The following AIF1 variants were observed in gnomAD, a reference collection of about 807,000 sequenced individuals.
AIF1 encodes allograft inflammatory factor 1.
In AIF1, 21 loss-of-function variants were observed where a neutral mutation model predicts 20.6. The ratio of observed to expected loss-of-function variants is 1.02; its 90% CI spans 0.72 to 1.47. AIF1 has a LOEUF of 1.47. Ranked by LOEUF, AIF1 falls within the 40% of genes most tolerant of loss-of-function variation. The probability of loss-of-function intolerance (pLI) is 0.00; values close to 1 mark genes in which losing one functional copy is unlikely to be tolerated. For synonymous variants in AIF1, 52 were observed against 65.8 expected (o/e 0.79, Z 1.01); for missense variants, 161 against 170.5 (o/e 0.94, Z 0.31).
Position 31,616,135 on chromosome 6 carries a change from T to C in AIF1, c.186T>C (p.Asn62=). ...ACATGGAGTTTGACCTTAATGGAAATGGCGATATTGGTGAGAAACGGGTGA... is the reference window on the plus strand; with the variant it reads ...ACATGGAGTTTGACCTTAATGGAAACGGCGATATTGGTGAGAAACGGGTGA... ...EKYMEFDLNG[N]GDIDIMSLKR... Residue 62 remains asparagine (N), a synonymous_variant, in exon 4 of 6, where the codon AAT becomes AAC. Coordinates refer to ENST00000376059, the MANE Select transcript of AIF1 (RefSeq NM_001623.5). This position sits in a 1 kb window ranked among gnomAD's most constrained non-coding sequence, Gnocchi z 4.0. The C allele has an allele frequency of 1.2e-6, 2 of 1,606,428 alleles. No homozygotes were observed. Among genetic ancestry groups the C allele is most frequent in the Non-Finnish European group, 1.7e-6 (2 of 1,176,052 alleles).
At position 31,616,695 on chromosome 6, in the gene AIF1, C is replaced by T. The variant is rs1188974571; in HGVS notation, c.360-121C>T. ...GTCCCCAGAAACTCCAACCCCTGCC[C>T]TTCCTCTTCCCCCTTCCACCCTCAC... On this transcript the variant is annotated intron_variant, in intron 5 of 5. Transcript: ENST00000376059. The surrounding 1 kb of genome is among the most constrained non-coding windows in gnomAD (Gnocchi z 4.0). 2.0e-6 allele frequency: 3 copies of T among 1,531,622 alleles called. No homozygotes were observed. Among genetic ancestry groups the T allele is most frequent in the Non-Finnish European group, 2.6e-6 (3 of 1,136,364 alleles). 94.9% of individuals were successfully genotyped at this position (1,531,622 alleles called of 1,614,324 possible).
chr6:31,616,908 G>A lies in AIF1; in HGVS notation c.*8G>A. ...ATCTCTGAGTTGCCCTGATTTGAAGGGAAAAGGGATGATGGGATTGAAGGG... is the reference window on the plus strand; with the variant it reads ...ATCTCTGAGTTGCCCTGATTTGAAGAGAAAAGGGATGATGGGATTGAAGGG... On this transcript the variant is annotated 3_prime_UTR_variant, in exon 6 of 6. Coordinates refer to ENST00000376059, the MANE Select transcript of AIF1 (RefSeq NM_001623.5). The surrounding 1 kb of genome is among the most constrained non-coding windows in gnomAD (Gnocchi z 4.0). The A allele has an allele frequency of 6.2e-7, 1 of 1,614,194 alleles. No individual in the cohort carries two copies. Among genetic ancestry groups the A allele is most frequent in the Non-Finnish European group, 8.5e-7 (1 of 1,180,040 alleles).
Position 31,615,677 on chromosome 6 carries a change from T to C in AIF1, c.95T>C (p.Leu32Pro). ...ERLDEINKQF[L>P]DDPKYSSDED... Reference sequence around the variant, plus strand: ...TTATTTTCCCCTCCATAGCAATTCCTAGACGATCCCAAATATAGCAGTGAT... The same window carrying C: ...TTATTTTCCCCTCCATAGCAATTCCCAGACGATCCCAAATATAGCAGTGAT... Residue 32 changes from leucine to proline, a missense_variant, in exon 3 of 6, where the codon CTA becomes CCA. By Grantham distance (98) the Leu-to-Pro change is moderately conservative. Transcript: ENST00000376059. 1 of 1,613,030 alleles carries C rather than the reference T, an allele frequency of 6.2e-7. No individual in the cohort carries two copies. Among genetic ancestry groups the C allele is most frequent in the Non-Finnish European group, 8.5e-7 (1 of 1,179,840 alleles).
Position 31,615,534 on chromosome 6 carries a change from C to G in AIF1, c.39C>G (p.Phe13Leu). The G allele has an allele frequency of 6.2e-7, 1 of 1,613,326 alleles. No homozygotes were observed. The change falls in exon 2 of 6, where the codon TTC (phenylalanine) becomes TTG (leucine). Residue 13 changes from phenylalanine to leucine, a missense_variant. By Grantham distance (22) the Phe-to-Leu change is conservative (BLOSUM62 0). Coordinates refer to ENST00000376059, the MANE Select transcript of AIF1 (RefSeq NM_001623.5). ...TTCACCCCACAGGAGGAAAAGCTTT[C>G]GGACTGCTGAAGGCCCAGCAGGAAG... ...QTRDLQGGKAFGLLKAQQEER... is the reference protein window; with the variant it reads ...QTRDLQGGKALGLLKAQQEER...
chr6:31,615,948 C>A, intron 3 of AIF1, 156 bp from the exon 4 acceptor site: 1 of 1,481,774 alleles, frequency 6.7e-7, no homozygotes. Flanking sequence ...CCTAGCGGGG[C>A]CCCTCAACTC....
chr6:31,615,922 C>G (rs45552734), intron 3 of AIF1, 182 bp from the exon 4 acceptor site: 17 of 1,478,440 alleles, frequency 1.1e-5, no homozygotes, highest in Non-Finnish European at 1.5e-5. Context: ...TCAGCATCCC[C>G]TCTAGCTCCT....
In AIF1 at chr6:31,615,561, G is replaced by C. The variant is rs770082854; in HGVS notation, c.66G>C (p.Glu22Asp). The change falls in exon 2 of 6, where the codon GAG becomes GAC. Residue 22 changes from glutamate (E) to aspartate (D), a missense_variant. Glu to Asp is a conservative substitution (Grantham distance 45). Transcript: ENST00000376059. ...AFGLLKAQQEERLDEINKQFL... is the reference protein window; with the variant it reads ...AFGLLKAQQEDRLDEINKQFL... ...GACTGCTGAAGGCCCAGCAGGAAGAGAGGCTGGATGAGATCAACAAGGTAG... is the reference window on the plus strand; with the variant it reads ...GACTGCTGAAGGCCCAGCAGGAAGACAGGCTGGATGAGATCAACAAGGTAG... The C allele has an allele frequency of 4.3e-6, 7 of 1,613,784 alleles. No individual in the cohort carries two copies. Among genetic ancestry groups the C allele is most frequent in the East Asian group, 2.2e-5 (1 of 44,878 alleles).
chr6:31,616,845 A>T lies in AIF1; in HGVS notation c.389A>T (p.Glu130Val). ...MILMYEEKAR[E>V]KEKPTGPPAK... Reference sequence around the variant, plus strand: ...CTGATGTATGAGGAAAAAGCGAGAGAAAAGGAAAAGCCAACAGGCCCCCCA... The same window carrying T: ...CTGATGTATGAGGAAAAAGCGAGAGTAAAGGAAAAGCCAACAGGCCCCCCA... Residue 130 changes from glutamate (E) to valine (V), a missense_variant, in exon 6 of 6, where the codon GAA becomes GTA. By Grantham distance (121) the Glu-to-Val change is moderately radical. Transcript: ENST00000376059. The surrounding 1 kb of genome is among the most constrained non-coding windows in gnomAD (Gnocchi z 4.0). The T allele has an allele frequency of 6.2e-7, 1 of 1,614,202 alleles. No individual in the cohort carries two copies. The highest frequency in any genetic ancestry group is 8.5e-7 in the Non-Finnish European group (1 of 1,180,028).
chr6:31,615,429 G>A, intron 1 of AIF1, 75 bp downstream of exon 1: 1 of 1,613,436 alleles, frequency 6.2e-7, no homozygotes, highest in African/African-American at 1.3e-5. Flanking sequence ...GGGCTAGGAG[G>A]GCAGTCAGCT....
chr6:31,616,635 C>T lies in AIF1; in HGVS notation c.359+129C>T, dbSNP rs559501227. 1.5e-4 allele frequency: 226 copies of T among 1,487,796 alleles called. No homozygotes were observed. In the African/African-American group the frequency reaches 2.7e-3, roughly 18 times the overall value. The allele number at this position is 1,487,796 out of a possible 1,614,324, so 92.2% of individuals were successfully genotyped here. A position where few individuals can be genotyped will look rare whatever the true frequency, so the allele number is the denominator to read the frequency against. ...TTCTTCCATCCTTAGAGGGACCCTT[C>T]CAAGGTCCCGACCCCATCCCTATCC... On this transcript the variant is annotated intron_variant, in intron 5 of 5. Transcript: ENST00000376059. The surrounding 1 kb of genome is among the most constrained non-coding windows in gnomAD (Gnocchi z 4.0).
rs1774441963 is a variant in AIF1 at position 31,616,997 on chromosome 6, TA to T, written c.*100del. The T allele has an allele frequency of 6.6e-7, 1 of 1,517,150 alleles. No individual in the cohort carries two copies. The highest frequency in any genetic ancestry group is 9.0e-7 in the Non-Finnish European group (1 of 1,114,560). 94.0% of individuals were successfully genotyped at this position (1,517,150 alleles called of 1,614,324 possible). The stretch of plus-strand genomic sequence containing the variant: ...TGTAAGCCAGAGTCAACAAATTAAA[TA>T]AATTACCCCCTCCTCCAGATCAAGT... On this transcript the variant is annotated 3_prime_UTR_variant, in exon 6 of 6. Transcript: ENST00000376059. This position sits in a 1 kb window ranked among gnomAD's most constrained non-coding sequence, Gnocchi z 4.0.
At chr6:31,615,886 C>T (rs1471425563) in intron 3 of AIF1, 150 bp downstream of exon 3, 30 of 1,485,766 alleles carry the variant, frequency 2.0e-5, no homozygotes, top group Non-Finnish European at 2.1e-5. Flanking sequence ...TGCCACACTG[C>T]GGTCCCTTTC....
chr6:31,615,583 G>A lies in AIF1; in HGVS notation c.87+1G>A, dbSNP rs1003421720. The A allele has an allele frequency of 3.1e-6, 5 of 1,613,618 alleles. No individual in the cohort carries two copies. Among genetic ancestry groups the A allele is most frequent in the Non-Finnish European group, 1.7e-6 (2 of 1,179,946 alleles). On this transcript the variant is annotated splice_donor_variant, in intron 2 of 5. Coordinates refer to ENST00000376059, the MANE Select transcript of AIF1 (RefSeq NM_001623.5). LOFTEE classifies it high-confidence loss of function. ...AGAGAGGCTGGATGAGATCAACAAG[G>A]TAGAAGGAAGAACTAAGGGGGCAGA...
chr6:31,616,900 A>T lies in AIF1; in HGVS notation c.444A>T (p.Ter148CysextTer33), dbSNP rs777100962. Residue 148 changes from the stop codon to cysteine, a stop_lost, in exon 6 of 6, where the codon TGA becomes TGT. Coordinates refer to ENST00000376059, the MANE Select transcript of AIF1 (RefSeq NM_001623.5). This position sits in a 1 kb window ranked among gnomAD's most constrained non-coding sequence, Gnocchi z 4.0. ...PAKKAISELP[*>C] ...AGAAAGCTATCTCTGAGTTGCCCTG[A>T]TTTGAAGGGAAAAGGGATGATGGGA... is the stretch of plus-strand genomic sequence containing the variant. The T allele has an allele frequency of 6.2e-7, 1 of 1,614,226 alleles. No homozygotes were observed. The highest frequency in any genetic ancestry group is 8.5e-7 in the Non-Finnish European group (1 of 1,180,036).
rs769724579 is a variant in AIF1, at chr6:31,616,280, C to T, written c.197-64C>T. ...AGTGGGAGGAAGGAGAATGGGGATG[C>T]GGAAGTGGGAGAGGAGAGAGAGGGT... On this transcript the variant is annotated intron_variant, in intron 4 of 5. Coordinates refer to ENST00000376059, the MANE Select transcript of AIF1 (RefSeq NM_001623.5). The surrounding 1 kb of genome is among the most constrained non-coding windows in gnomAD (Gnocchi z 4.0). 54 of 1,612,742 alleles carry T rather than the reference C, an allele frequency of 3.3e-5. No homozygotes were observed. The highest frequency in any genetic ancestry group is 3.8e-5 in the Non-Finnish European group (45 of 1,179,826).
At position 31,616,345 on chromosome 6, in the gene AIF1, T is replaced by G; in HGVS notation, c.198T>G (p.Asp66Glu). Residue 66 changes from aspartate to glutamate, a missense_variant and splice_region_variant, in exon 5 of 6, where the codon GAT (aspartate) becomes GAG (glutamate). By Grantham distance (45) the Asp-to-Glu change is conservative. Coordinates refer to ENST00000376059, the MANE Select transcript of AIF1 (RefSeq NM_001623.5). This position sits in a 1 kb window ranked among gnomAD's most constrained non-coding sequence, Gnocchi z 4.0. The part of the protein sequence containing the change: ...EFDLNGNGDI[D>E]IMSLKRMLEK... The stretch of plus-strand genomic sequence containing the variant: ...CCCATCCCCATCCTCTGCCCCCAGA[T>G]ATCATGTCCCTGAAACGAATGCTGG... 6.2e-7 allele frequency: 1 copy of G among 1,612,924 alleles called. No individual in the cohort carries two copies. Among genetic ancestry groups the G allele is most frequent in the Non-Finnish European group, 8.5e-7 (1 of 1,179,994 alleles).
chr6:31,616,190 A>G lies in AIF1; in HGVS notation c.196+45A>G. On this transcript the variant is annotated intron_variant, in intron 4 of 5. Transcript: ENST00000376059. This position sits in a 1 kb window ranked among gnomAD's most constrained non-coding sequence, Gnocchi z 4.0. ...CGGGGGCAGGGTGGTGTGCAGGCCT[A>G]AGAAGACAGAGGTCTCTCCTACATG... 3 of 1,613,208 alleles carry G rather than the reference A, an allele frequency of 1.9e-6. No homozygotes were observed. The highest frequency in any genetic ancestry group is 2.5e-6 in the Non-Finnish European group (3 of 1,179,926).
chr6:31,616,397 C>G lies in AIF1; in HGVS notation c.250C>G (p.Leu84Val). The change falls in exon 5 of 6, where the codon CTA becomes GTA. Residue 84 changes from leucine to valine, a missense_variant. Physicochemically the swap from Leu to Val is conservative, Grantham distance 32 (BLOSUM62 1). Coordinates refer to ENST00000376059, the MANE Select transcript of AIF1 (RefSeq NM_001623.5). The surrounding 1 kb of genome is among the most constrained non-coding windows in gnomAD (Gnocchi z 4.0). ...LEKLGVPKTH[L>V]ELKKLIGEVS... Reference sequence around the variant, plus strand: ...GAAACTTGGAGTCCCCAAGACTCACCTAGAGCTAAAGAAATTAATTGGAGA... The same window carrying G: ...GAAACTTGGAGTCCCCAAGACTCACGTAGAGCTAAAGAAATTAATTGGAGA... 1.2e-6 allele frequency: 2 copies of G among 1,613,052 alleles called. No homozygotes were observed. Among genetic ancestry groups the G allele is most frequent in the Non-Finnish European group, 1.7e-6 (2 of 1,180,032 alleles).
Position 31,616,158 on chromosome 6 carries a change from T to C in AIF1, c.196+13T>C, listed in dbSNP as rs1171206007. 6.2e-7 allele frequency: 1 copy of C among 1,610,180 alleles called. No homozygotes were observed. Among genetic ancestry groups the C allele is most frequent in the South Asian group, 1.1e-5 (1 of 90,640 alleles). Reference sequence around the variant, plus strand: ...AATGGCGATATTGGTGAGAAACGGGTGATTTGCGGGGGCAGGGTGGTGTGC... The same window carrying C: ...AATGGCGATATTGGTGAGAAACGGGCGATTTGCGGGGGCAGGGTGGTGTGC... On this transcript the variant is annotated intron_variant, in intron 4 of 5. Coordinates refer to ENST00000376059, the MANE Select transcript of AIF1 (RefSeq NM_001623.5). This position sits in a 1 kb window ranked among gnomAD's most constrained non-coding sequence, Gnocchi z 4.0.
Sources: allele counts gnomAD v4.1 joint callset, GRCh38; gene constraint gnomAD v4.1.1; non-coding constraint Gnocchi (gnomAD v3.1); transcripts MANE v1.5; gene names NCBI Gene and HGNC (gene_info 2026-07-23, HGNC 2026-07-21).